Variants in ZMAT4 observed in about 807,000 individuals in gnomAD.
The protein encoded by ZMAT4 is zinc finger matrin-type 4.
Under a neutral mutation model 28.7 loss-of-function variants are expected in ZMAT4, and 17 were observed. The ratio of observed to expected loss-of-function variants is 0.59; its 90% CI spans 0.41 to 0.89. ZMAT4 has a LOEUF of 0.89. Ranked by LOEUF, ZMAT4 falls within the 40% of genes least tolerant of loss-of-function variation. The pLI, the probability that ZMAT4 is intolerant of heterozygous loss-of-function variation, is 0.00. For missense variants in ZMAT4, 240 were observed against 283.8 expected (o/e 0.85, Z 1.11); for synonymous variants, 117 against 109.2 (o/e 1.07, Z -0.44).
intron 5 of ZMAT4, among the ~76,000 whole-genome samples, chr8:40,590,574 T>C (rs751561025): frequency 6.0e-4 from 91 of 152,258 alleles, no homozygotes; most frequent in Non-Finnish European, 3.7e-4. Flanking sequence ...GTCCTCTTTG[T>C]TGATAATTTT....
intron 6 of ZMAT4, among the ~76,000 whole-genome samples, chr8:40,562,318 A>G (rs1803773321): frequency 6.6e-6 from 1 of 152,154 alleles, no homozygotes; most frequent in African/African-American, 2.4e-5. Flanking sequence ...CCATCCTCTC[A>G]GAAATCCCAT....
At chr8:40,810,284 A>C (rs550290504) in intron 2 of ZMAT4, among the ~76,000 whole-genome samples, 1 of 152,332 alleles carries the variant, frequency 6.6e-6, no homozygotes, top group South Asian at 2.1e-4. Flanking sequence ...ACAAATAGCT[A>C]AGTCAACTCT....
chr8:40,648,055 C>T (rs989651870), intron 5 of ZMAT4, among the ~76,000 whole-genome samples: 22 of 152,190 alleles, frequency 1.4e-4, no homozygotes, highest in Non-Finnish European at 1.8e-4. Context: ...TCACCAGCAA[C>T]GGAACAAAGC....
chr8:40,790,832 C>T (rs34802191), intron 2 of ZMAT4, among the ~76,000 whole-genome samples: 21,175 of 152,144 alleles, frequency 0.14, 1,925 homozygotes, highest in Non-Finnish European at 0.2. Context: ...GCCAAAACAA[C>T]TGTGAAAGCA....
intron 4 of ZMAT4, among the ~76,000 whole-genome samples, chr8:40,684,687 G>A (rs1195918497): frequency 2.0e-5 from 3 of 152,224 alleles, no homozygotes; most frequent in African/African-American, 7.2e-5. Context: ...TATTTATAGA[G>A]AATTCAAAGA....
At chr8:40,695,671 C>T (rs900436896) in intron 4 of ZMAT4, among the ~76,000 whole-genome samples, 2 of 151,822 alleles carry the variant, frequency 1.3e-5, no homozygotes, top group African/African-American at 4.8e-5. Context: ...TTCTATTTCC[C>T]AGATCTGAGG....
intron 5 of ZMAT4, among the ~76,000 whole-genome samples, chr8:40,659,116 G>A (rs754588763): frequency 1.3e-5 from 2 of 152,088 alleles, no homozygotes; most frequent in Non-Finnish European, 2.9e-5. Context: ...ATATGATCAG[G>A]AATCATGGGT....
At chr8:40,557,829 G>C (rs1211265391) in intron 6 of ZMAT4, among the ~76,000 whole-genome samples, 1 of 152,164 alleles carries the variant, frequency 6.6e-6, no homozygotes, top group African/African-American at 2.4e-5. Context: ...TGTAAAAGAA[G>C]AGATAGATGA....
intron 1 of ZMAT4, among the ~76,000 whole-genome samples, chr8:40,825,987 C>T (rs1236442745): frequency 1.3e-5 from 2 of 152,096 alleles, no homozygotes; most frequent in Admixed American, 6.5e-5. Context: ...GGCAGGGCAC[C>T]GTGGCTCACG....
chr8:40,577,131 T>C (rs1051070697), intron 6 of ZMAT4, among the ~76,000 whole-genome samples: 1 of 152,048 alleles, frequency 6.6e-6, no homozygotes, highest in South Asian at 2.1e-4. Flanking sequence ...GAGGCAGAAG[T>C]TGCAGTGAGC....
chr8:40,636,944 G>T (rs562408375), intron 5 of ZMAT4, among the ~76,000 whole-genome samples: 3 of 152,198 alleles, frequency 2.0e-5, no homozygotes, highest in African/African-American at 2.4e-5. Context: ...GAGAGCTGCC[G>T]AATGCAAAAC....
chr8:40,626,145 TC>T (rs1227891970), intron 5 of ZMAT4, among the ~76,000 whole-genome samples: 124 of 93,928 alleles, frequency 1.3e-3, no homozygotes, highest in African/African-American at 3.2e-3. Context: ...GGATTGGAAG[TC>T]TTGGGGGGTA....
intron 5 of ZMAT4, among the ~76,000 whole-genome samples, chr8:40,652,547 T>G (rs1807720509): frequency 1.6e-5 from 1 of 62,578 alleles, no homozygotes; most frequent in African/African-American, 5.0e-5. Context: ...GATCTAGAAC[T>G]GGAAATACCA....
At chr8:40,598,762 G>A (rs977177286) in intron 5 of ZMAT4, among the ~76,000 whole-genome samples, 2 of 152,202 alleles carry the variant, frequency 1.3e-5, no homozygotes, top group African/African-American at 4.8e-5. Context: ...TAAAATATTA[G>A]TCCTAGAATT....
intron 1 of ZMAT4, among the ~76,000 whole-genome samples, chr8:40,830,378 A>T (rs1816236434): frequency 6.6e-6 from 1 of 151,874 alleles, no homozygotes; most frequent in African/African-American, 2.4e-5. Context: ...CTCCACCTTT[A>T]TGTCTACGTG....
Position 40,629,210 on chromosome 8 carries a change from G to C in ZMAT4, c.577+45494C>G, listed in dbSNP as rs568685166. 1.3e-4 allele frequency among the ~76,000 whole-genome samples: 19 copies of C among 151,564 alleles called. No homozygotes were observed. The East Asian group carries it at 3.3e-3, about 26-fold the overall frequency. On this transcript the variant is annotated intron_variant, in intron 5 of 6. Transcript: ENST00000297737. ...ACATGTATTTAGTGAGTAAAAAATT[G>C]ATTTGTCCATTTTTAGTGCATCTGG...
At chr8:40,706,334 G>A (rs964313620) in intron 3 of ZMAT4, among the ~76,000 whole-genome samples, 2 of 152,172 alleles carry the variant, frequency 1.3e-5, no homozygotes, top group Non-Finnish European at 2.9e-5. Context: ...GATTACAGGC[G>A]TGAGCCACTG....
intron 5 of ZMAT4, among the ~76,000 whole-genome samples, chr8:40,641,003 A>T (rs1209442715): frequency 6.6e-6 from 1 of 152,000 alleles, no homozygotes; most frequent in African/African-American, 2.4e-5. Flanking sequence ...GATAGACTAT[A>T]CAGCAGCAGC....
intron 6 of ZMAT4, among the ~76,000 whole-genome samples, chr8:40,539,253 A>T (rs756671965): frequency 2.0e-5 from 3 of 152,224 alleles, no homozygotes; most frequent in Non-Finnish European, 4.4e-5. Flanking sequence ...ACATTAAAAC[A>T]TAATCTTTTG....
Sources: gnomAD v4.1 joint callset for allele counts (sites outside exome capture counted in the v4.1 genomes callset) on GRCh38, gnomAD v4.1.1 for gene constraint, MANE v1.5 for transcripts, NCBI Gene and HGNC (gene_info 2026-07-23, HGNC 2026-07-21) for gene names.